Variants in ITPR2 observed in about 807,000 individuals in gnomAD.
ITPR2 encodes the protein inositol 1,4,5-trisphosphate receptor type 2.
A neutral mutation model predicts 317.1 loss-of-function variants in ITPR2; 207 were observed. The observed-to-expected ratio is 0.65, with a 90% CI of 0.58 to 0.73. The LOEUF is 0.73. Ranked by LOEUF, ITPR2 falls within the 30% of genes least tolerant of loss-of-function variation. ITPR2 has a pLI of 0.00. For synonymous variants in ITPR2, 1,156 were observed against 1,149.1 expected, an observed-to-expected ratio of 1.01 and a Z score of -0.12; for missense variants, 2,613 against 3,284.0, an observed-to-expected ratio of 0.80 and a Z score of 4.99.
chr12:26,565,153 CT>C (rs1236990603), intron 34 of ITPR2, among the ~76,000 whole-genome samples: 1 of 152,050 alleles, frequency 6.6e-6, no homozygotes, highest in Non-Finnish European at 1.5e-5. Flanking sequence ...AATGAACCCC[CT>C]ATGAAAAAAT....
chr12:26,672,789 T>G (rs1947813528), intron 13 of ITPR2, among the ~76,000 whole-genome samples: 1 of 151,642 alleles, frequency 6.6e-6, no homozygotes, highest in African/African-American at 2.4e-5. Context: ...TCAACAAAAT[T>G]GATAGACTGC....
At chr12:26,435,327 A>G (rs896711933) in intron 48 of ITPR2, among the ~76,000 whole-genome samples, 6 of 152,086 alleles carry the variant, frequency 3.9e-5, no homozygotes, top group Non-Finnish European at 7.4e-5. Context: ...ATTGAACTTT[A>G]TTGAAGGTTT....
chr12:26,535,879 T>C (rs953876865), intron 37 of ITPR2, among the ~76,000 whole-genome samples: 1 of 152,206 alleles, frequency 6.6e-6, no homozygotes, highest in Non-Finnish European at 1.5e-5. Flanking sequence ...GAACAACTTA[T>C]ATGTCAGTCA....
At chr12:26,544,080 A>T (rs546780873) in intron 37 of ITPR2, among the ~76,000 whole-genome samples, 2 of 152,250 alleles carry the variant, frequency 1.3e-5, no homozygotes, top group African/African-American at 2.4e-5. Context: ...TCTATAAAAA[A>T]TTTTCACATT....
intron 8 of ITPR2, among the ~76,000 whole-genome samples, chr12:26,712,920 G>A (rs745913948): frequency 6.6e-6 from 1 of 152,230 alleles, no homozygotes; most frequent in Non-Finnish European, 1.5e-5. Flanking sequence ...ATTCCAGAAT[G>A]TGATCAACAC....
At chr12:26,405,901 TGA>T (rs1166427528) in intron 52 of ITPR2, among the ~76,000 whole-genome samples, 1 of 152,156 alleles carries the variant, frequency 6.6e-6, no homozygotes, top group Admixed American at 6.5e-5. Flanking sequence ...CAGGTTGCAA[TGA>T]GCTGAGATTG....
At chr12:26,373,073 G>A (rs984160901) in intron 55 of ITPR2, among the ~76,000 whole-genome samples, 10 of 152,144 alleles carry the variant, frequency 6.6e-5, no homozygotes, top group African/African-American at 1.4e-4. Flanking sequence ...GACAACAGCC[G>A]GGGAAAGCTG....
intron 32 of ITPR2, among the ~76,000 whole-genome samples, chr12:26,586,802 C>G (rs1945541240): frequency 6.6e-6 from 1 of 151,982 alleles, no homozygotes; most frequent in African/African-American, 2.4e-5. Context: ...ACTAATAATC[C>G]AAGGGTGGGT....
intron 55 of ITPR2, among the ~76,000 whole-genome samples, chr12:26,367,189 GT>G (rs1939039578): frequency 6.6e-6 from 1 of 151,598 alleles, no homozygotes; most frequent in Admixed American, 6.6e-5. Flanking sequence ...AAAGATTGTT[GT>G]TGGAAATATT....
At chr12:26,548,260 T>C (rs1215275565) in intron 37 of ITPR2, among the ~76,000 whole-genome samples, 8 of 152,188 alleles carry the variant, frequency 5.3e-5, no homozygotes, top group Non-Finnish European at 1.2e-4. Flanking sequence ...CAATCTATGA[T>C]TCCAGATGAA....
intron 2 of ITPR2, among the ~76,000 whole-genome samples, chr12:26,787,620 A>C (rs1186237283): frequency 6.6e-6 from 1 of 152,232 alleles, no homozygotes. Flanking sequence ...TATCTTTGAA[A>C]GATTAATTCT....
At chr12:26,454,094 C>T (rs1349894314) in intron 45 of ITPR2, among the ~76,000 whole-genome samples, 1 of 151,956 alleles carries the variant, frequency 6.6e-6, no homozygotes, top group Non-Finnish European at 1.5e-5. Context: ...TTTATTAGTT[C>T]AATTTTAATG....
intron 2 of ITPR2, among the ~76,000 whole-genome samples, chr12:26,732,703 C>T (rs144772147): frequency 1.2e-4 from 19 of 152,268 alleles, no homozygotes; most frequent in African/African-American, 4.6e-4. Context: ...TGTACTGTAG[C>T]CATGCAGAGA....
intron 26 of ITPR2, among the ~76,000 whole-genome samples, chr12:26,611,323 C>T (rs763079610): frequency 5.3e-5 from 8 of 152,146 alleles, no homozygotes; most frequent in Non-Finnish European, 8.8e-5. Context: ...CTGTTCCTTA[C>T]ATCACACATC....
chr12:26,580,253 G>A, intron 32 of ITPR2, 98 bp from the exon 33 acceptor site: 2 of 1,063,994 alleles, frequency 1.9e-6, no homozygotes, highest in East Asian at 5.0e-5. Flanking sequence ...ATAGTTGTCA[G>A]TAACATTTCT....
chr12:26,599,965 T>C lies in ITPR2; in HGVS notation c.3801+22A>G, dbSNP rs202223996. 8.3e-6 allele frequency: 13 copies of C among 1,569,074 alleles called. No homozygotes were observed. The Middle Eastern group carries it at 5.3e-4, about 64-fold the overall frequency. ...TTGATGCACACTTTACTAGAAATAC[T>C]AGAAGCCACTAAAATACTTACACCT... On this transcript the variant is annotated intron_variant, in intron 29 of 56. Coordinates refer to ENST00000381340, the MANE Select transcript of ITPR2 (RefSeq NM_002223.4).
chr12:26,673,351 T>C (rs372238533), intron 13 of ITPR2, among the ~76,000 whole-genome samples: 5 of 152,076 alleles, frequency 3.3e-5, no homozygotes, highest in South Asian at 2.1e-4. Flanking sequence ...CCACCATGAT[T>C]AAGTGGGCTT....
chr12:26,580,148 T>C lies in ITPR2; in HGVS notation c.4388A>G (p.Asn1463Ser), dbSNP rs1369167447. Residue 1463 changes from asparagine to serine, a missense_variant, in exon 33 of 57, where the codon AAC becomes AGC. Physicochemically the swap from Asn to Ser is conservative, Grantham distance 46. Around this residue, in one of 9 missense-constraint regions of ITPR2, gnomAD observed 926 missense variants for 1,072.8 expected, o/e 0.86. Transcript: ENST00000381340. The part of the protein sequence containing the change: ...NFLVDMARVC[N>S]TTTDRKHADI... ...TGCATGTTTCCTGTCTGTAGTTGTG[T>C]TGCAAACCTGGAGAGAAAATAAAAC... 6.2e-6 allele frequency: 10 copies of C among 1,611,102 alleles called. No individual in the cohort carries two copies. The highest frequency in any genetic ancestry group is 8.5e-6 in the Non-Finnish European group (10 of 1,178,392).
intron 2 of ITPR2, among the ~76,000 whole-genome samples, chr12:26,774,924 C>T (rs945730240): frequency 6.6e-6 from 1 of 152,208 alleles, no homozygotes; most frequent in Non-Finnish European, 1.5e-5. Flanking sequence ...GCCTTCCTGT[C>T]CTTCGTAGGA....
Sources: allele counts gnomAD v4.1 joint callset (sites outside exome capture counted in the v4.1 genomes callset), GRCh38; gene constraint gnomAD v4.1.1; regional missense constraint gnomAD v4.1.1; transcripts MANE v1.5; gene names NCBI Gene and HGNC (gene_info 2026-07-23, HGNC 2026-07-21).